PLCH2: variants seen among roughly 807,000 people sequenced by gnomAD.
The protein encoded by PLCH2 is phospholipase C eta 2, also known as 1-phosphatidylinositol 4,5-bisphosphate phosphodiesterase eta-2.
PLCH2 carries 98 observed loss-of-function variants against 134.7 expected under a neutral mutation model. The ratio of observed to expected loss-of-function variants is 0.73; its 90% CI spans 0.62 to 0.86. PLCH2 has a LOEUF of 0.86. PLCH2 is among the 40% of genes least tolerant of loss of function. The probability of loss-of-function intolerance (pLI) is 0.00; values close to 1 mark genes in which losing one functional copy is unlikely to be tolerated. For missense variants in PLCH2, 1,994 were observed against 1,986.6 expected, an observed-to-expected ratio of 1.00 and a Z score of -0.07; for synonymous variants, 974 against 827.5, an observed-to-expected ratio of 1.18 and a Z score of -3.04.
At chr1:2,464,836 G>T (rs72845400), upstream of PLCH2, among the ~76,000 whole-genome samples, 22,847 of 152,206 alleles carry the variant, frequency 0.15, 2,182 homozygotes, top group East Asian at 0.34. Context: ...CAGCATGGAG[G>T]TCAGGGCAGC....
At chr1:2,486,207 G>A (rs1642276013) in intron 5 of PLCH2, among the ~76,000 whole-genome samples, 1 of 152,230 alleles carries the variant, frequency 6.6e-6, no homozygotes, top group African/African-American at 2.4e-5. Context: ...TTTGCCCCAA[G>A]CCTTGTGGAA....
At position 2,502,168 on chromosome 1, in the gene PLCH2, G is replaced by T; in HGVS notation, c.2718G>T (p.Ser906=). Residue 906 remains serine (S), a synonymous_variant, in exon 21 of 22, where the codon TCG becomes TCT. Transcript: ENST00000378486. ...GLFLRGPKPG[S]LDSHAAGRPP... ...TCCTCCGAGGCCCAAAGCCCGGCTC[G>T]CTGGACAGTCATGCTGCTGGGCGGC... is the stretch of plus-strand genomic sequence containing the variant. The T allele has an allele frequency of 6.6e-7, 1 of 1,510,330 alleles. No homozygotes were observed. 93.6% of individuals were successfully genotyped at this position (1,510,330 alleles called of 1,614,324 possible).
At chr1:2,475,199 G>A (rs963774679), upstream of PLCH2, among the ~76,000 whole-genome samples, 3 of 152,172 alleles carry the variant, frequency 2.0e-5, no homozygotes, top group Admixed American at 6.5e-5. Context: ...CCTTGGCCCC[G>A]GGGCTCTGCC....
Position 2,499,086 on chromosome 1 carries a change from T to C in PLCH2, c.2437T>C (p.Phe813Leu). ...TCCTCCTGGCGCTGCTTCCCCAGGG[T>C]TCAACCCCACCTGGGAGGAGACCCT... is the stretch of plus-strand genomic sequence containing the variant. ...EQTRVVDDNG[F>L]NPTWEETLVF... Residue 813 changes from phenylalanine (F) to leucine (L), a missense_variant and splice_region_variant, in exon 19 of 22, where the codon TTC becomes CTC. Around this residue, in one of 2 missense-constraint regions of PLCH2, gnomAD observed 1,094 missense variants for 1,234.3 expected, o/e 0.89. Transcript: ENST00000378486. 6.2e-7 allele frequency: 1 copy of C among 1,608,946 alleles called. No individual in the cohort carries two copies. Among genetic ancestry groups the C allele is most frequent in the Non-Finnish European group, 8.5e-7 (1 of 1,178,292 alleles).
intron 11 of PLCH2, chr1:2,494,467 G>A: frequency 6.2e-6 from 2 of 324,708 alleles, no homozygotes; most frequent in Non-Finnish European, 1.2e-5. Context: ...GGTTGCGCAA[G>A]CAGGCCTGGC....
At chr1:2,441,225 C>G (rs1386740075) in intron 2 of PLCH2, among the ~76,000 whole-genome samples, 1 of 152,164 alleles carries the variant, frequency 6.6e-6, no homozygotes, top group Non-Finnish European at 1.5e-5. Flanking sequence ...CCTGGCAGCC[C>G]CTGCCGGCCC....
intron 2 of PLCH2, among the ~76,000 whole-genome samples, chr1:2,433,472 G>A (rs1557939168): frequency 6.6e-6 from 1 of 150,524 alleles, no homozygotes; most frequent in Non-Finnish European, 1.5e-5. Flanking sequence ...GGCTGCTGGA[G>A]TATGTGTCCC....
intron 21 of PLCH2, chr1:2,503,180 G>A (rs1643334448): frequency 3.2e-6 from 2 of 617,278 alleles, no homozygotes; most frequent in Admixed American, 2.3e-5. Flanking sequence ...CTCTTGCTGA[G>A]GGTCTGGGGC....
At chr1:2,416,926 G>T in the PLCH2 span, among the ~76,000 whole-genome samples, 2 of 152,114 alleles carry the variant, frequency 1.3e-5, no homozygotes, top group Non-Finnish European at 2.9e-5. Flanking sequence ...GAGCCAGCCT[G>T]GGGGGGCCCT....
At chr1:2,503,480 C>G (rs1036654811) in intron 21 of PLCH2, 2 of 623,090 alleles carry the variant, frequency 3.2e-6, no homozygotes, top group African/African-American at 3.7e-5. Context: ...CTGCTTTGGG[C>G]TGAAGCACCC....
At chr1:2,438,951 G>T (rs530882416) in intron 2 of PLCH2, among the ~76,000 whole-genome samples, 1 of 152,310 alleles carries the variant, frequency 6.6e-6, no homozygotes, top group African/African-American at 2.4e-5. Context: ...CCCTGCCCAG[G>T]GATCTGGATG....
intron 2 of PLCH2, among the ~76,000 whole-genome samples, chr1:2,449,597 G>T (rs1475786897): frequency 6.6e-6 from 1 of 152,230 alleles, no homozygotes; most frequent in Non-Finnish European, 1.5e-5. Flanking sequence ...TGGGGGACCA[G>T]GTCTGCAGCA....
chr1:2,494,533 A>G, intron 11 of PLCH2: 1 of 449,112 alleles, frequency 2.2e-6, no homozygotes, highest in Non-Finnish European at 4.1e-6. Context: ...ACTGGTGGGA[A>G]AAAAGGATTC....
the PLCH2 span, among the ~76,000 whole-genome samples, chr1:2,416,026 T>TC: frequency 2.0e-5 from 3 of 152,096 alleles, no homozygotes; most frequent in East Asian, 1.9e-4. Context: ...CGTATCCCCA[T>TC]CCCCCCACCA....
rs1357102675 is a variant in PLCH2, at chr1:2,491,275, T to A, written c.1599T>A (p.Cys533Ter). The part of the protein sequence containing the change: ...SLIKESKIRD[C>*]EDPNNFSVST... ...TCAAAGAGTCGAAGATTCGGGACTG[T>A]GAGGACCCCAACAACTTCTCCGTCT... The change falls in exon 11 of 22, where the codon TGT (cysteine) becomes TGA (stop). Residue 533 changes from cysteine to a stop codon, truncating the protein, a stop_gained. Coordinates refer to ENST00000378486, the MANE Select transcript of PLCH2 (RefSeq NM_014638.4). LOFTEE classifies it high-confidence loss of function. 1 of 1,613,174 alleles carries A rather than the reference T, an allele frequency of 6.2e-7. No individual in the cohort carries two copies. The highest frequency in any genetic ancestry group is 8.5e-7 in the Non-Finnish European group (1 of 1,179,834).
At position 2,505,409 on chromosome 1, in the gene PLCH2, G is replaced by C. The variant is rs1190379691; in HGVS notation, c.*196G>C. The C allele has an allele frequency of 5.3e-6, 3 of 570,366 alleles. No individual in the cohort carries two copies. Among genetic ancestry groups the C allele is most frequent in the South Asian group, 2.1e-5 (1 of 46,684 alleles). 35.3% of individuals were successfully genotyped at this position (570,366 alleles called of 1,614,324 possible). A position where few individuals can be genotyped will look rare whatever the true frequency, so the allele number is the denominator to read the frequency against. On this transcript the variant is annotated 3_prime_UTR_variant, in exon 22 of 22. Coordinates refer to ENST00000378486, the MANE Select transcript of PLCH2 (RefSeq NM_014638.4). Reference sequence around the variant, plus strand: ...AGCTGCTGGCCCGGGGCCCACAGGAGGGGCTTCGAGGCTGGCCCTGCCAGG... The same window carrying C: ...AGCTGCTGGCCCGGGGCCCACAGGACGGGCTTCGAGGCTGGCCCTGCCAGG...
intron 14 of PLCH2, 26 bp downstream of exon 14, chr1:2,496,730 A>G (rs1642911891): frequency 6.2e-7 from 1 of 1,608,700 alleles, no homozygotes. Context: ...ACCTGGGGCC[A>G]CGGGCGGAGG....
intron 2 of PLCH2, among the ~76,000 whole-genome samples, chr1:2,443,845 C>CAGCCCG (rs1049168142): frequency 6.7e-6 from 1 of 149,392 alleles, no homozygotes; most frequent in African/African-American, 2.4e-5. Context: ...GCCGGAGCCC[C>CAGCCCG]AGCCCGAGCC....
At chr1:2,436,274 CTCCTTCCTCCCTCCTCCTTTCCTCCTTCT>C in intron 2 of PLCH2, among the ~76,000 whole-genome samples, 1 of 84,286 alleles carries the variant, frequency 1.2e-5, no homozygotes, top group African/African-American at 5.0e-5. Flanking sequence ...TCCTCCTTTC[CTCCTTCCTCCCTCCTCCTTTCCTCCTTCT>C]TCCCTCCTCC....
Sources: gnomAD v4.1 joint callset for allele counts (sites outside exome capture counted in the v4.1 genomes callset) on GRCh38, gnomAD v4.1.1 for gene constraint, gnomAD v4.1.1 regional missense constraint, MANE v1.5 for transcripts, NCBI Gene and HGNC (gene_info 2026-07-23, HGNC 2026-07-21) for gene names.